Variants in MAP3K13 observed in about 807,000 individuals in gnomAD.
The protein encoded by MAP3K13 is leucine zipper-bearing kinase.
MAP3K13 carries 52 observed loss-of-function variants against 104.0 expected under a neutral mutation model. The observed-to-expected ratio is 0.50, with a 90% confidence interval of 0.40 to 0.63. The LOEUF (loss-of-function observed/expected upper bound fraction) is 0.63, where lower values mean the gene tolerates loss of function less well. Among genes scored for constraint, MAP3K13 ranks in the 20% least tolerant of loss-of-function variants. The pLI is 0.00. For missense variants in MAP3K13, 914 were observed against 1,218.5 expected, an observed-to-expected ratio of 0.75 and a Z score of 3.72; for synonymous variants, 394 against 442.2, an observed-to-expected ratio of 0.89 and a Z score of 1.37.
At chr3:185,464,641 T>A (rs895526058) in intron 8 of MAP3K13, among the ~76,000 whole-genome samples, 1 of 152,244 alleles carries the variant, frequency 6.6e-6, no homozygotes, top group African/African-American at 2.4e-5. Context: ...TAAACCTCTT[T>A]CCTTTATAAA....
Position 185,455,288 on chromosome 3 carries a change from T to G in MAP3K13, c.1278+3893T>G, listed in dbSNP as rs200282794. On this transcript the variant is annotated intron_variant, in intron 7 of 13. Transcript: ENST00000265026. Reference sequence around the variant, plus strand: ...TGAGATATATATGAGATATATGAGATATATATATGAGATATATATGAGATA... The same window carrying G: ...TGAGATATATATGAGATATATGAGAGATATATATGAGATATATATGAGATA... 4.1e-4 allele frequency among the ~76,000 whole-genome samples: 3 copies of G among 7,278 alleles called. 1 individual carries two copies. The highest frequency in any genetic ancestry group is 6.4e-4 in the African/African-American group (3 of 4,706). 4.8% of individuals were successfully genotyped at this position (7,278 alleles called of 152,430 possible).
In MAP3K13 at chr3:185,423,579, G is replaced by T. The variant is rs1039205818; in HGVS notation, c.-85-4918G>T. Among the ~76,000 whole-genome samples the T allele has an allele frequency of 3.3e-5, 5 of 152,230 alleles. No homozygotes were observed. The South Asian group carries it at 6.2e-4, about 19-fold the overall frequency. On this transcript the variant is annotated intron_variant, in intron 1 of 13. Coordinates refer to ENST00000265026, the MANE Select transcript of MAP3K13 (RefSeq NM_004721.5). The surrounding 1 kb of genome is among the most constrained non-coding windows in gnomAD (Gnocchi z 4.1). ...TGGGTGGAATGGTGTCTGTAACAAA[G>T]GGCTCCAGTTTTTCTTCTTTCTTCC...
rs1720788097 is a variant in MAP3K13 at position 185,292,763 on chromosome 3, G to A, written c.-86+7120G>A. 1.1e-5 allele frequency: 11 copies of A among 985,242 alleles called. No homozygotes were observed. The South Asian group carries it at 4.7e-4, about 42-fold the overall frequency. The allele number at this position is 985,242 out of a possible 1,614,324, so 61.0% of individuals were successfully genotyped here. A position where few individuals can be genotyped will look rare whatever the true frequency, so the allele number is the denominator to read the frequency against. On this transcript the variant is annotated intron_variant, in intron 2 of 14. Coordinates refer to the MAP3K13 transcript ENST00000424227. ...GCTATGTTAAATTTTTTTTCTCTGA[G>A]TTGAGTCCCTAAAATACTATCATGG...
chr3:185,291,558 A>T, intron 2 of MAP3K13: 1 of 1,456,082 alleles, frequency 6.9e-7, no homozygotes. Context: ...AATTTCCCTT[A>T]AAAAAATTAT....
At chr3:185,317,512 A>C (rs555068834) in intron 2 of MAP3K13, among the ~76,000 whole-genome samples, 1 of 152,316 alleles carries the variant, frequency 6.6e-6, no homozygotes, top group South Asian at 2.1e-4. Context: ...AATGCTTTAT[A>C]TTATCTAGAC....
chr3:185,458,737 C>T (rs191581911), intron 7 of MAP3K13, among the ~76,000 whole-genome samples: 77 of 152,342 alleles, frequency 5.1e-4, no homozygotes, highest in African/African-American at 1.8e-3. Flanking sequence ...CTGGTCTCCA[C>T]TTTCCACCAA....
At chr3:185,431,494 T>C (rs1714740730) in intron 2 of MAP3K13, among the ~76,000 whole-genome samples, 1 of 152,238 alleles carries the variant, frequency 6.6e-6, no homozygotes. Context: ...AATAGTTGAA[T>C]TCAAAAGATG....
intron 7 of MAP3K13, among the ~76,000 whole-genome samples, chr3:185,453,910 T>C (rs1167650904): frequency 1.4e-4 from 9 of 62,706 alleles, no homozygotes; most frequent in African/African-American, 4.2e-4. Flanking sequence ...ATATATGAGA[T>C]ATATATGTGA....
At chr3:185,289,853 G>A (rs117027147) in intron 2 of MAP3K13, among the ~76,000 whole-genome samples, 1 of 152,274 alleles carries the variant, frequency 6.6e-6, no homozygotes, top group East Asian at 1.9e-4. Flanking sequence ...TCTTCAGTGT[G>A]TTTAATAACA....
At chr3:185,311,397 T>C (rs1438318344) in intron 2 of MAP3K13, among the ~76,000 whole-genome samples, 1 of 152,106 alleles carries the variant, frequency 6.6e-6, no homozygotes, top group African/African-American at 2.4e-5. Flanking sequence ...ATCATGAGAA[T>C]AGCATGGGAA....
In MAP3K13 at chr3:185,299,561, T is replaced by C. The variant is rs1340492117; in HGVS notation, c.-86+13918T>C. On this transcript the variant is annotated intron_variant, in intron 2 of 14. Coordinates refer to the MAP3K13 transcript ENST00000424227. ...GTTTTCTCTCTCTCTCTCTTTTTTT[T>C]TTTTTTTTTTTTTTTTGAGACGGAG... Among the ~76,000 whole-genome samples the C allele has an allele frequency of 2.2e-3, 18 of 8,288 alleles. 4 individuals are homozygous for C. Among genetic ancestry groups the C allele is most frequent in the African/African-American group, 3.8e-3 (18 of 4,796 alleles). 5.4% of individuals were successfully genotyped at this position (8,288 alleles called of 152,430 possible).
intron 11 of MAP3K13, among the ~76,000 whole-genome samples, chr3:185,474,026 T>C (rs1717966657): frequency 6.6e-6 from 1 of 152,136 alleles, no homozygotes; most frequent in Non-Finnish European, 1.5e-5. Context: ...TAGATAACTA[T>C]ATACTGGGGA....
At chr3:185,340,160 G>A (rs1392423398) in intron 2 of MAP3K13, among the ~76,000 whole-genome samples, 2 of 152,108 alleles carry the variant, frequency 1.3e-5, no homozygotes, top group African/African-American at 2.4e-5. Context: ...TACTGAGCAC[G>A]AGATTATGAG....
chr3:185,334,603 C>CT (rs67702394), intron 2 of MAP3K13, among the ~76,000 whole-genome samples: 28 of 144,986 alleles, frequency 1.9e-4, no homozygotes, highest in South Asian at 4.3e-4. Flanking sequence ...AATGGATTTT[C>CT]TTTTTTTTTT....
intron 1 of MAP3K13, among the ~76,000 whole-genome samples, chr3:185,416,496 A>G (rs1713779427): frequency 6.6e-6 from 1 of 151,972 alleles, no homozygotes; most frequent in African/African-American, 2.4e-5. Flanking sequence ...AGTTATGGCG[A>G]GGTTAGTGAT....
chr3:185,361,180 A>G (rs1469290816), upstream of MAP3K13, among the ~76,000 whole-genome samples: 6 of 148,978 alleles, frequency 4.0e-5, no homozygotes, highest in Non-Finnish European at 8.9e-5. Context: ...TGTATATATT[A>G]TATATATATA....
At chr3:185,378,661 G>T (rs906394668) in intron 1 of MAP3K13, among the ~76,000 whole-genome samples, 2 of 152,124 alleles carry the variant, frequency 1.3e-5, no homozygotes, top group African/African-American at 4.8e-5. Flanking sequence ...GGATTCAAAG[G>T]ACTCAGAGCT....
At chr3:185,333,670 G>A (rs1442839838) in intron 2 of MAP3K13, among the ~76,000 whole-genome samples, 4 of 152,056 alleles carry the variant, frequency 2.6e-5, no homozygotes, top group Non-Finnish European at 5.9e-5. Flanking sequence ...GAGCCCGGAG[G>A]ATCACTTGAG....
At chr3:185,341,313 G>A (rs1722715839) in intron 2 of MAP3K13, among the ~76,000 whole-genome samples, 1 of 152,172 alleles carries the variant, frequency 6.6e-6, no homozygotes, top group Admixed American at 6.5e-5. Context: ...GGTTGAGACT[G>A]GAGTGAAGAA....
Sources: allele counts gnomAD v4.1 joint callset (sites outside exome capture counted in the v4.1 genomes callset), GRCh38; gene constraint gnomAD v4.1.1; non-coding constraint Gnocchi (gnomAD v3.1); transcripts MANE v1.5; gene names NCBI Gene and HGNC (gene_info 2026-07-23, HGNC 2026-07-21).